Variants in SLC25A21 observed in about 807,000 individuals in gnomAD.
The protein encoded by SLC25A21 is mitochondrial 2-oxodicarboxylate carrier.
In SLC25A21, 47 loss-of-function variants were observed where a neutral mutation model predicts 43.8. The ratio of observed to expected loss-of-function variants is 1.07; its 90% confidence interval spans 0.85 to 1.37. SLC25A21 has a LOEUF of 1.37. SLC25A21 is among the 40% of genes most tolerant of loss of function. The probability of loss-of-function intolerance (pLI) is 0.00; values close to 1 mark genes in which losing one functional copy is unlikely to be tolerated. For missense variants in SLC25A21, 352 were observed against 350.2 expected, an observed-to-expected ratio of 1.00 and a Z score of -0.04; for synonymous variants, 131 against 121.3, an observed-to-expected ratio of 1.08 and a Z score of -0.52.
chr14:37,105,698 C>A (rs1962898252), intron 1 of SLC25A21, among the ~76,000 whole-genome samples: 1 of 152,108 alleles, frequency 6.6e-6, no homozygotes, highest in South Asian at 2.1e-4. Flanking sequence ...TAATGGAGAT[C>A]ACTTATCATA....
intron 7 of SLC25A21, among the ~76,000 whole-genome samples, chr14:36,693,476 C>T (rs1244293234): frequency 6.6e-6 from 1 of 152,052 alleles, no homozygotes; most frequent in East Asian, 1.9e-4. Flanking sequence ...CTAGACTGAA[C>T]ATACAAGATT....
At chr14:37,144,194 C>G (rs1963620173) in intron 1 of SLC25A21, among the ~76,000 whole-genome samples, 1 of 152,084 alleles carries the variant, frequency 6.6e-6, no homozygotes. Flanking sequence ...ACCTATAAAT[C>G]AGTAGTTGTC....
intron 1 of SLC25A21, among the ~76,000 whole-genome samples, chr14:36,888,120 C>T (rs1425524284): frequency 6.6e-6 from 1 of 152,162 alleles, no homozygotes; most frequent in African/African-American, 2.4e-5. Flanking sequence ...AATTGTGAAA[C>T]ACTTACCAGC....
chr14:36,986,181 C>A (rs1048156110), intron 1 of SLC25A21, among the ~76,000 whole-genome samples: 7 of 152,168 alleles, frequency 4.6e-5, no homozygotes, highest in African/African-American at 1.7e-4. Context: ...TATATACACA[C>A]ATATCTATAG....
At chr14:36,894,473 T>G (rs1484041093) in intron 1 of SLC25A21, among the ~76,000 whole-genome samples, 2 of 151,814 alleles carry the variant, frequency 1.3e-5, no homozygotes, top group African/African-American at 4.8e-5. Context: ...TATACAATCA[T>G]GTCATCTGCA....
chr14:37,030,560 T>C (rs1009182902), intron 1 of SLC25A21, among the ~76,000 whole-genome samples: 1 of 152,230 alleles, frequency 6.6e-6, no homozygotes, highest in African/African-American at 2.4e-5. Flanking sequence ...CCATTTTTTC[T>C]GGATTAGCCT....
chr14:37,152,941 T>G (rs1162444591), intron 1 of SLC25A21, among the ~76,000 whole-genome samples: 2 of 152,140 alleles, frequency 1.3e-5, no homozygotes, highest in Non-Finnish European at 2.9e-5. Flanking sequence ...GACAGAATGC[T>G]GATGCTCAAC....
chr14:36,918,575 A>G (rs1891893637), intron 1 of SLC25A21, among the ~76,000 whole-genome samples: 1 of 152,156 alleles, frequency 6.6e-6, no homozygotes, highest in Non-Finnish European at 1.5e-5. Context: ...AGCCCAACAC[A>G]GAGGAATTTA....
intron 1 of SLC25A21, among the ~76,000 whole-genome samples, chr14:37,128,107 G>A (rs549565347): frequency 2.2e-4 from 33 of 152,300 alleles, no homozygotes; most frequent in Non-Finnish European, 4.3e-4. Context: ...AGAAATGCCT[G>A]TTCATCTCCT....
intron 1 of SLC25A21, among the ~76,000 whole-genome samples, chr14:37,067,480 T>C (rs1962083902): frequency 6.6e-6 from 1 of 152,142 alleles, no homozygotes; most frequent in South Asian, 2.1e-4. Context: ...TATAAGCATG[T>C]TTTCAGACAA....
At chr14:36,987,091 A>G (rs1960162901) in intron 1 of SLC25A21, among the ~76,000 whole-genome samples, 1 of 152,138 alleles carries the variant, frequency 6.6e-6, no homozygotes, top group Non-Finnish European at 1.5e-5. Flanking sequence ...TTCCTATCAG[A>G]AGGTAGGAAT....
At chr14:37,045,026 G>T (rs779453807) in intron 1 of SLC25A21, among the ~76,000 whole-genome samples, 1 of 152,260 alleles carries the variant, frequency 6.6e-6, no homozygotes, top group African/African-American at 2.4e-5. Context: ...GAGACAGTCT[G>T]GTTTCCCACT....
At chr14:36,843,910 C>T (rs1889463534) in intron 2 of SLC25A21, among the ~76,000 whole-genome samples, 1 of 152,188 alleles carries the variant, frequency 6.6e-6, no homozygotes, top group South Asian at 2.1e-4. Flanking sequence ...TCAGAGAGAT[C>T]CCTAACCTGT....
chr14:36,963,748 G>A (rs1209865996), intron 1 of SLC25A21, among the ~76,000 whole-genome samples: 1 of 152,146 alleles, frequency 6.6e-6, no homozygotes, highest in Non-Finnish European at 1.5e-5. Flanking sequence ...CGAGTGCCAG[G>A]AGTACCCAGT....
At chr14:37,020,613 G>A (rs548455191) in intron 1 of SLC25A21, among the ~76,000 whole-genome samples, 36 of 151,708 alleles carry the variant, frequency 2.4e-4, no homozygotes, top group Admixed American at 9.9e-4. Flanking sequence ...TCCATCTGTC[G>A]GGAAAACAGA....
chr14:37,155,787 A>G (rs993771725), intron 1 of SLC25A21, among the ~76,000 whole-genome samples: 7 of 152,222 alleles, frequency 4.6e-5, no homozygotes, highest in Non-Finnish European at 1.5e-5. Context: ...ATTTATTACC[A>G]TTAGATTGGA....
At chr14:36,871,794 AT>A (rs139681109) in intron 2 of SLC25A21, among the ~76,000 whole-genome samples, 2,552 of 151,954 alleles carry the variant, frequency 0.017, 71 homozygotes, top group African/African-American at 0.057. Context: ...TTACTTCACA[AT>A]TTTTTTTAAT....
chr14:36,989,477 G>A (rs1195209973), intron 1 of SLC25A21, among the ~76,000 whole-genome samples: 2 of 151,282 alleles, frequency 1.3e-5, no homozygotes, highest in Non-Finnish European at 2.9e-5. Context: ...TGATGTCCTT[G>A]GGTGACAAAA....
chr14:37,103,662 TC>T, intron 1 of SLC25A21, among the ~76,000 whole-genome samples: 1 of 152,148 alleles, frequency 6.6e-6, no homozygotes, highest in East Asian at 1.9e-4. Context: ...CTCTGCCACT[TC>T]AAATCTCAAA....
Sources: gnomAD v4.1 joint callset for allele counts (sites outside exome capture counted in the v4.1 genomes callset) on GRCh38, gnomAD v4.1.1 for gene constraint, MANE v1.5 for transcripts, NCBI Gene and HGNC (gene_info 2026-07-23, HGNC 2026-07-21) for gene names.